The following AGMO variants were observed in gnomAD, a reference collection of about 807,000 sequenced individuals.
The protein encoded by AGMO is alkylglycerol monooxygenase.
In AGMO, 75 loss-of-function variants were observed where a neutral mutation model predicts 60.2. That is an observed-to-expected ratio of 1.25 (90% CI 1.03 to 1.51). The LOEUF (loss-of-function observed/expected upper bound fraction) is 1.51. AGMO is among the 40% of genes most tolerant of loss of function. The probability of loss-of-function intolerance (pLI) is 0.00; values close to 1 mark genes in which losing one functional copy is unlikely to be tolerated. For missense variants in AGMO, 763 were observed against 525.5 expected, an observed-to-expected ratio of 1.45 and a Z score of -4.42; for synonymous variants, 261 against 177.1, an observed-to-expected ratio of 1.47 and a Z score of -3.76.
intron 12 of AGMO, among the ~76,000 whole-genome samples, chr7:15,227,757 C>G (rs1782130596): frequency 6.6e-6 from 1 of 152,098 alleles, no homozygotes; most frequent in Admixed American, 6.6e-5. Context: ...CAGACTTTTC[C>G]TTTCCTTCTA....
At chr7:15,142,663 G>A in the AGMO span, among the ~76,000 whole-genome samples, 5 of 152,156 alleles carry the variant, frequency 3.3e-5, no homozygotes, top group Admixed American at 2.0e-4. Context: ...AAGGATATGT[G>A]TCCTGTAAGT....
intron 3 of AGMO, among the ~76,000 whole-genome samples, chr7:15,519,060 G>C (rs1442186290): frequency 6.6e-6 from 1 of 151,174 alleles, no homozygotes. Context: ...GCAGAAGAAA[G>C]GATATCAGAG....
At chr7:15,310,239 A>G (rs1780730740) in intron 12 of AGMO, among the ~76,000 whole-genome samples, 1 of 152,176 alleles carries the variant, frequency 6.6e-6, no homozygotes, top group Non-Finnish European at 1.5e-5. Flanking sequence ...CAAAAAAATC[A>G]CATGTAGTAA....
At chr7:15,300,039 A>T (rs1424780989) in intron 12 of AGMO, among the ~76,000 whole-genome samples, 2 of 152,130 alleles carry the variant, frequency 1.3e-5, no homozygotes, top group Non-Finnish European at 2.9e-5. Context: ...AGAAGAGAAA[A>T]ATATTTCCAT....
chr7:15,472,481 C>T (rs1368553546), intron 3 of AGMO, among the ~76,000 whole-genome samples: 1 of 151,814 alleles, frequency 6.6e-6, no homozygotes, highest in Non-Finnish European at 1.5e-5. Flanking sequence ...TCTGGAATCA[C>T]AGTACTTTAG....
chr7:15,327,034 A>AT (rs1491391732), intron 12 of AGMO, among the ~76,000 whole-genome samples: 4 of 152,158 alleles, frequency 2.6e-5, no homozygotes, highest in Admixed American at 6.5e-5. Context: ...AGTTCATAAC[A>AT]TATAATATTT....
intron 12 of AGMO, among the ~76,000 whole-genome samples, chr7:15,208,288 T>G (rs1781491020): frequency 6.6e-6 from 1 of 152,136 alleles, no homozygotes; most frequent in African/African-American, 2.4e-5. Context: ...CCAAATATCA[T>G]TTGTGAGAAG....
At chr7:15,159,963 G>A in the AGMO span, among the ~76,000 whole-genome samples, 1 of 152,126 alleles carries the variant, frequency 6.6e-6, no homozygotes, top group East Asian at 1.9e-4. Context: ...TTTGCCTACT[G>A]GGCACTGGAA....
chr7:15,547,830 T>A (rs1784830717), intron 2 of AGMO, among the ~76,000 whole-genome samples: 1 of 152,046 alleles, frequency 6.6e-6, no homozygotes, highest in Non-Finnish European at 1.5e-5. Flanking sequence ...CAAGGAGGCC[T>A]GCCTGCCTCT....
intron 2 of AGMO, among the ~76,000 whole-genome samples, chr7:15,551,710 G>A (rs1220697749): frequency 2.6e-5 from 4 of 151,096 alleles, no homozygotes; most frequent in African/African-American, 7.3e-5. Context: ...TCATGGGTAG[G>A]AAGAATCAAT....
intron 10 of AGMO, among the ~76,000 whole-genome samples, chr7:15,367,727 A>G (rs1386272980): frequency 6.6e-5 from 10 of 152,126 alleles, no homozygotes; most frequent in Admixed American, 6.6e-4. Flanking sequence ...CAGTTCCTGG[A>G]TGAGTTCCCT....
At chr7:15,240,932 A>G (rs1324538643) in intron 12 of AGMO, among the ~76,000 whole-genome samples, 1 of 152,192 alleles carries the variant, frequency 6.6e-6, no homozygotes, top group Non-Finnish European at 1.5e-5. Flanking sequence ...GGAATTGTAA[A>G]TAGTGAAAGC....
At chr7:15,393,768 G>A (rs910987750) in intron 6 of AGMO, among the ~76,000 whole-genome samples, 1 of 152,156 alleles carries the variant, frequency 6.6e-6, no homozygotes, top group Non-Finnish European at 1.5e-5. Context: ...ATGACCTTCA[G>A]CACTGGGTCA....
rs1019109989 is a variant in AGMO at position 15,364,902 on chromosome 7, T to A, written c.1263+612A>T. On this transcript the variant is annotated intron_variant, in intron 12 of 12. Transcript: ENST00000342526. The stretch of plus-strand genomic sequence containing the variant: ...ATATAACCCTGAATTGCAAACATAA[T>A]ACACTCTCTATTAATGCACTAGTGA... Among the ~76,000 whole-genome samples the A allele has an allele frequency of 2.3e-4, 35 of 152,064 alleles. 2 individuals are homozygous for A. The highest frequency in any genetic ancestry group is 8.8e-5 in the Non-Finnish European group (6 of 67,946).
chr7:15,434,474 C>T (rs985274044), intron 3 of AGMO, among the ~76,000 whole-genome samples: 1 of 152,104 alleles, frequency 6.6e-6, no homozygotes, highest in African/African-American at 2.4e-5. Context: ...CTCTCATACT[C>T]AAACACTCTC....
At chr7:15,444,276 T>C (rs1781641655) in intron 3 of AGMO, among the ~76,000 whole-genome samples, 1 of 152,202 alleles carries the variant, frequency 6.6e-6, no homozygotes, top group African/African-American at 2.4e-5. Context: ...CTTTTTGTAA[T>C]ATTCCTTTCC....
chr7:15,279,009 G>GCTTA (rs1192862914), intron 12 of AGMO, among the ~76,000 whole-genome samples: 1 of 152,136 alleles, frequency 6.6e-6, no homozygotes, highest in East Asian at 1.9e-4. Flanking sequence ...ACATGAAAGT[G>GCTTA]CTTAATCTTC....
intron 3 of AGMO, among the ~76,000 whole-genome samples, chr7:15,476,451 G>A (rs1397639771): frequency 6.6e-6 from 1 of 151,996 alleles, no homozygotes; most frequent in Non-Finnish European, 1.5e-5. Context: ...CTCTAAGTAG[G>A]GCAGAACATG....
At chr7:15,494,020 G>C (rs933534175) in intron 3 of AGMO, among the ~76,000 whole-genome samples, 4 of 152,102 alleles carry the variant, frequency 2.6e-5, no homozygotes, top group African/African-American at 9.7e-5. Context: ...TACTCTATTA[G>C]TTCTTTTTAA....
Sources: gnomAD v4.1 joint callset for allele counts (sites outside exome capture counted in the v4.1 genomes callset) on GRCh38, gnomAD v4.1.1 for gene constraint, MANE v1.5 for transcripts, NCBI Gene and HGNC (gene_info 2026-07-23, HGNC 2026-07-21) for gene names.